Variants in ARHGAP21 observed in about 807,000 individuals in gnomAD.
ARHGAP21 encodes rho GTPase-activating protein 21.
In ARHGAP21, 38 loss-of-function variants were observed where a neutral mutation model predicts 164.6. The observed-to-expected ratio is 0.23, with a 90% CI of 0.18 to 0.30. The LOEUF is 0.30. Among genes scored for constraint, ARHGAP21 ranks in the 10% least tolerant of loss-of-function variants. ARHGAP21 has a pLI of 1.00. For synonymous variants in ARHGAP21, 766 were observed against 857.9 expected, an observed-to-expected ratio of 0.89 and a Z score of 1.87; for missense variants, 1,822 against 2,370.7, an observed-to-expected ratio of 0.77 and a Z score of 4.81.
chr10:24,628,894 CAT>C lies in ARHGAP21; in HGVS notation c.495+1100_495+1101del, dbSNP rs1325883820. The C allele has an allele frequency of 2.0e-4, 17 of 87,036 alleles. No homozygotes were observed. In the South Asian group the frequency reaches 6.3e-3, roughly 32 times the overall value. 5.4% of individuals were successfully genotyped at this position (87,036 alleles called of 1,614,324 possible). On this transcript the variant is annotated intron_variant, in intron 7 of 25. Transcript: ENST00000396432. ...ACATACATATATACACATATATATA[CAT>C]ACATATATACACATATATACACATA...
intron 2 of ARHGAP21, among the ~76,000 whole-genome samples, chr10:24,719,403 ATC>A (rs1455149225): frequency 1.3e-5 from 2 of 152,210 alleles, no homozygotes; most frequent in Non-Finnish European, 2.9e-5. Context: ...TGAACAAGAA[ATC>A]TCTGATTGTT....
chr10:24,659,474 C>G (rs1006829529), intron 4 of ARHGAP21, among the ~76,000 whole-genome samples: 1 of 152,118 alleles, frequency 6.6e-6, no homozygotes, highest in African/African-American at 2.4e-5. Context: ...TGCCACCACA[C>G]CCGGCTAATT....
chr10:24,686,383 G>T (rs914729700), intron 2 of ARHGAP21, among the ~76,000 whole-genome samples: 1 of 151,930 alleles, frequency 6.6e-6, no homozygotes, highest in African/African-American at 2.4e-5. Context: ...GAGCCGAGAT[G>T]GCGCCACACA....
Position 24,628,349 on chromosome 10 carries a change from G to A in ARHGAP21, c.495+1647C>T, listed in dbSNP as rs991669691. On this transcript the variant is annotated intron_variant, in intron 7 of 25. Coordinates refer to ENST00000396432, the MANE Select transcript of ARHGAP21 (RefSeq NM_020824.4). Reference sequence around the variant, plus strand: ...AAATCTACATGCCTTGAAAACATGGGGTTAATCCCCATGAGTTTCACTTAA... The same window carrying A: ...AAATCTACATGCCTTGAAAACATGGAGTTAATCCCCATGAGTTTCACTTAA... Among the ~76,000 whole-genome samples, 5 of 152,166 alleles carry A rather than the reference G, an allele frequency of 3.3e-5. No homozygotes were observed. In the East Asian group the frequency reaches 7.7e-4, roughly 24 times the overall value.
intron 2 of ARHGAP21, among the ~76,000 whole-genome samples, chr10:24,693,972 C>T (rs1028433798): frequency 3.3e-5 from 5 of 152,300 alleles, no homozygotes; most frequent in African/African-American, 4.8e-5. Context: ...CACCATTTTA[C>T]AGCCTATACC....
chr10:24,640,250 G>C (rs544486067), intron 4 of ARHGAP21: 1 of 151,464 alleles, frequency 6.6e-6, no homozygotes, highest in South Asian at 2.1e-4. Context: ...ATACTTGGAT[G>C]GGAGACTGCC....
intron 2 of ARHGAP21, among the ~76,000 whole-genome samples, chr10:24,694,021 T>C (rs1387811460): frequency 6.6e-6 from 1 of 152,172 alleles, no homozygotes; most frequent in African/African-American, 2.4e-5. Flanking sequence ...ACAAAAGATA[T>C]ACACCAATGG....
chr10:24,585,613 G>C lies in ARHGAP21; in HGVS notation c.4676C>G (p.Ala1559Gly). Reference sequence around the variant, plus strand: ...GGTTGATTTCTTCATGGAAAACCTTGCCAGGGAGGCCTGGGAAGACGTGCT... The same window carrying C: ...GGTTGATTTCTTCATGGAAAACCTTCCCAGGGAGGCCTGGGAAGACGTGCT... ...LLSTSSQASL[A>G]RFSMKKSTSP... Residue 1559 changes from alanine to glycine, a missense_variant, in exon 26 of 26, where the codon GCA becomes GGA. Coordinates refer to ENST00000396432, the MANE Select transcript of ARHGAP21 (RefSeq NM_020824.4). 1 of 1,614,160 alleles carries C rather than the reference G, an allele frequency of 6.2e-7. No individual in the cohort carries two copies. The highest frequency in any genetic ancestry group is 1.3e-5 in the African/African-American group (1 of 75,040).
chr10:24,609,975 A>C (rs763057684), intron 9 of ARHGAP21, among the ~76,000 whole-genome samples: 18 of 152,244 alleles, frequency 1.2e-4, no homozygotes, highest in Non-Finnish European at 2.4e-4. Context: ...TACTACATTA[A>C]GACATTAAAT....
intron 16 of ARHGAP21, 36 bp downstream of exon 16, chr10:24,597,411 C>A: frequency 1.9e-6 from 3 of 1,597,990 alleles, no homozygotes; most frequent in Non-Finnish European, 2.6e-6. Flanking sequence ...AATTTTAAAT[C>A]ATTATATTTA....
At position 24,655,608 on chromosome 10, in the gene ARHGAP21, G is replaced by A. The variant is rs1416232699; in HGVS notation, c.268+11377C>T. On this transcript the variant is annotated intron_variant, in intron 4 of 25. Coordinates refer to ENST00000396432, the MANE Select transcript of ARHGAP21 (RefSeq NM_020824.4). ...GCCTGCCTTGGCCTCCCAAAGTGCCGAGATTGCAGCCTCTGCCCGGCCGCC... is the reference window on the plus strand; with the variant it reads ...GCCTGCCTTGGCCTCCCAAAGTGCCAAGATTGCAGCCTCTGCCCGGCCGCC... 2.0e-3 allele frequency among the ~76,000 whole-genome samples: 309 copies of A among 150,960 alleles called. 2 individuals carry two copies. The highest frequency in any genetic ancestry group is 7.0e-3 in the African/African-American group (288 of 41,122).
intron 21 of ARHGAP21, among the ~76,000 whole-genome samples, chr10:24,593,979 AC>A (rs1170132109): frequency 6.6e-6 from 1 of 151,876 alleles, no homozygotes; most frequent in Non-Finnish European, 1.5e-5. Context: ...AGAGGTTGAC[AC>A]TCTTCTCATA....
At position 24,702,793 on chromosome 10, in the gene ARHGAP21, T is replaced by C. The variant is rs1269301728; in HGVS notation, c.63+19044A>G. Among the ~76,000 whole-genome samples the C allele has an allele frequency of 2.0e-5, 3 of 152,168 alleles. No individual in the cohort carries two copies. The East Asian group carries it at 5.8e-4, about 29-fold the overall frequency. ...TGAGGTCTCACTATATTGCCCAGGCTGTTATTAAAGTTATATCCTAAAAAT... is the reference window on the plus strand; with the variant it reads ...TGAGGTCTCACTATATTGCCCAGGCCGTTATTAAAGTTATATCCTAAAAAT... On this transcript the variant is annotated intron_variant, in intron 2 of 25. Transcript: ENST00000396432.
intron 7 of ARHGAP21, chr10:24,629,536 C>T (rs1011668368): frequency 6.3e-5 from 10 of 159,106 alleles, no homozygotes; most frequent in African/African-American, 2.0e-4. Context: ...AATTTACAAA[C>T]GTAATATTTA....
intron 4 of ARHGAP21, among the ~76,000 whole-genome samples, chr10:24,656,016 G>T (rs1187235618): frequency 1.4e-5 from 2 of 141,998 alleles, no homozygotes; most frequent in African/African-American, 5.5e-5. Flanking sequence ...CCCTCCGCCC[G>T]GCAGCTGCCC....
At chr10:24,680,491 G>A (rs1432181744) in intron 2 of ARHGAP21, among the ~76,000 whole-genome samples, 1 of 151,932 alleles carries the variant, frequency 6.6e-6, no homozygotes, top group African/African-American at 2.4e-5. Flanking sequence ...TTGTTTTACT[G>A]GGCTCTTTAC....
At position 24,601,919 on chromosome 10, in the gene ARHGAP21, T is replaced by C; in HGVS notation, c.2847+59A>G. On this transcript the variant is annotated intron_variant, in intron 13 of 25. Coordinates refer to ENST00000396432, the MANE Select transcript of ARHGAP21 (RefSeq NM_020824.4). The stretch of plus-strand genomic sequence containing the variant: ...TGCCATTTTATGTATACAGGCTTTA[T>C]GGTTTATTTGTCAGGGTCTGCATTT... 3.5e-6 allele frequency: 5 copies of C among 1,431,202 alleles called. No homozygotes were observed. The Admixed American group carries it at 7.3e-5, about 21-fold the overall frequency. 88.7% of individuals were successfully genotyped at this position (1,431,202 alleles called of 1,614,324 possible). A position where few individuals can be genotyped will look rare whatever the true frequency, so the allele number is the denominator to read the frequency against.
At chr10:24,659,895 A>G (rs1413864271) in intron 4 of ARHGAP21, among the ~76,000 whole-genome samples, 1 of 152,140 alleles carries the variant, frequency 6.6e-6, no homozygotes, top group Non-Finnish European at 1.5e-5. Context: ...TAACTTAAAC[A>G]CTCTGCACCT....
At chr10:24,623,686 C>T (rs959992542) in intron 7 of ARHGAP21, among the ~76,000 whole-genome samples, 2 of 152,106 alleles carry the variant, frequency 1.3e-5, no homozygotes, top group South Asian at 4.1e-4. Context: ...TATTATATAC[C>T]ACCTGAAAAG....
Sources: gnomAD v4.1 joint callset for allele counts (sites outside exome capture counted in the v4.1 genomes callset) on GRCh38, gnomAD v4.1.1 for gene constraint, MANE v1.5 for transcripts, NCBI Gene and HGNC (gene_info 2026-07-23, HGNC 2026-07-21) for gene names.